The following MYO7B variants were observed in gnomAD, a reference collection of about 807,000 sequenced individuals.
MYO7B encodes the protein unconventional myosin-VIIb.
A neutral mutation model predicts 259.7 loss-of-function variants in MYO7B; 212 were observed. The observed-to-expected ratio is 0.82, with a 90% CI of 0.73 to 0.91. The LOEUF is 0.91. Ranked by LOEUF, MYO7B falls within the 40% of genes least tolerant of loss-of-function variation. The pLI is 0.00. For missense variants in MYO7B, 2,732 were observed against 2,813.5 expected (o/e 0.97, Z 0.66); for synonymous variants, 1,197 against 1,166.4 (o/e 1.03, Z -0.54).
At chr2:127,612,677 G>C in intron 26 of MYO7B, 74 bp downstream of exon 26, 1 of 1,551,916 alleles carries the variant, frequency 6.4e-7, no homozygotes, top group South Asian at 1.2e-5. Context: ...CATGGCCACA[G>C]CCTCCCCCAC....
rs186365186 is a variant in MYO7B, at chr2:127,575,663, G to T, written c.736-932G>T. Among the ~76,000 whole-genome samples, 373 of 152,282 alleles carry T rather than the reference G, an allele frequency of 2.4e-3. 13 individuals are homozygous for T. In the East Asian group the frequency reaches 0.059, roughly 24 times the overall value. ...AAACATGTCTAGGTTCTGGGGCGGG[G>T]AGGAGGGGATTTAAGAAAGGGGAAG... On this transcript the variant is annotated intron_variant, in intron 7 of 47. Transcript: ENST00000409816.
Position 127,569,841 on chromosome 2 carries a change from C to G in MYO7B, c.523C>G (p.Leu175Val), listed in dbSNP as rs776735274. Residue 175 changes from leucine to valine, a missense_variant, in exon 6 of 48, where the codon CTG becomes GTG. By Grantham distance (32) the Leu-to-Val change is conservative. This residue lies in a region of MYO7B where 1,906 missense variants were observed against 2,026.4 expected (regional missense o/e 0.94). Coordinates refer to ENST00000409816, the MANE Select transcript of MYO7B (RefSeq NM_001393586.1). ...GACCACCAAGCTCATCCTGCAGTTC[C>G]TGGCCACCATCAGTGGCCAGCATTC... ...TETTKLILQF[L>V]ATISGQHSWI... 3.2e-5 allele frequency: 51 copies of G among 1,613,468 alleles called. No homozygotes were observed. The highest frequency in any genetic ancestry group is 2.5e-6 in the Non-Finnish European group (3 of 1,179,662).
In MYO7B at chr2:127,627,969, G is replaced by A. The variant is rs758785437; in HGVS notation, c.4461-403G>A. The A allele has an allele frequency of 2.1e-6, 1 of 466,386 alleles. No homozygotes were observed. Among genetic ancestry groups the A allele is most frequent in the South Asian group, 1.5e-5 (1 of 64,668 alleles). 28.9% of individuals were successfully genotyped at this position (466,386 alleles called of 1,614,324 possible). ...TGGGCACTTTCCTGTATGCCACGAA[G>A]TACCGACAGCATCACCCATTCTGCA... On this transcript the variant is annotated intron_variant, in intron 33 of 47. Coordinates refer to ENST00000409816, the MANE Select transcript of MYO7B (RefSeq NM_001393586.1). This position sits in a 1 kb window ranked among gnomAD's most constrained non-coding sequence, Gnocchi z 5.6.
intron 47 of MYO7B, 53 bp from the exon 48 acceptor site, chr2:127,637,263 C>A: frequency 7.3e-7 from 1 of 1,373,842 alleles, no homozygotes; most frequent in Non-Finnish European, 1.0e-6. Flanking sequence ...GAGTCCAGGA[C>A]CCCCACCTGC....
Position 127,565,231 on chromosome 2 carries a change from A to G in MYO7B, c.133-2A>G, listed in dbSNP as rs1210200440. Reference sequence around the variant, plus strand: ...CAGGGGAGTCTGCACCCATTGTTCCAGGAACACTGGATCCGAGCAGAGGAC... The same window carrying G: ...CAGGGGAGTCTGCACCCATTGTTCCGGGAACACTGGATCCGAGCAGAGGAC... On this transcript the variant is annotated splice_acceptor_variant, in intron 3 of 47. Coordinates refer to ENST00000409816, the MANE Select transcript of MYO7B (RefSeq NM_001393586.1). LOFTEE classifies it high-confidence loss of function. 6.2e-7 allele frequency: 1 copy of G among 1,613,280 alleles called. No homozygotes were observed. The highest frequency in any genetic ancestry group is 8.5e-7 in the Non-Finnish European group (1 of 1,179,524).
In MYO7B at chr2:127,576,688, G is replaced by A. The variant is rs778918386; in HGVS notation, c.829G>A (p.Glu277Lys). ...GCTGCTGAGCCTGGGCACGCCCTCC[G>A]AGTACCACTACCTGACCATGGTGAG... ...KQLLSLGTPSEYHYLTMGNCT... is the reference protein window; with the variant it reads ...KQLLSLGTPSKYHYLTMGNCT... The change falls in exon 8 of 48, where the codon GAG (glutamate) becomes AAG (lysine). Residue 277 changes from glutamate to lysine, a missense_variant. Glu to Lys is a moderately conservative substitution (Grantham distance 56). Coordinates refer to ENST00000409816, the MANE Select transcript of MYO7B (RefSeq NM_001393586.1). The surrounding 1 kb of genome is among the most constrained non-coding windows in gnomAD (Gnocchi z 4.9). 6.8e-6 allele frequency: 11 copies of A among 1,607,166 alleles called. No individual in the cohort carries two copies. Among genetic ancestry groups the A allele is most frequent in the South Asian group, 2.2e-5 (2 of 90,736 alleles).
At position 127,620,449 on chromosome 2, in the gene MYO7B, T is replaced by C; in HGVS notation, c.3508T>C (p.Ser1170Pro). ...CCTCTGCCTCGGCTGCTTCCCACCC[T>C]CAGAGAGGTTCATGAAGGTGAGAGG... ...LSLCLGCFPP[S>P]ERFMKYLLNF... The change falls in exon 27 of 48, where the codon TCA (serine) becomes CCA (proline). Residue 1170 changes from serine (S) to proline (P), a missense_variant. By Grantham distance (74) the Ser-to-Pro change is moderately conservative. This residue lies in a region of MYO7B where 1,906 missense variants were observed against 2,026.4 expected (regional missense o/e 0.94). Coordinates refer to ENST00000409816, the MANE Select transcript of MYO7B (RefSeq NM_001393586.1). The C allele has an allele frequency of 7.3e-7, 1 of 1,372,134 alleles. No individual in the cohort carries two copies. The highest frequency in any genetic ancestry group is 9.8e-7 in the Non-Finnish European group (1 of 1,024,478). 85.0% of individuals were successfully genotyped at this position (1,372,134 alleles called of 1,614,324 possible).
At chr2:127,571,362 A>ATCTTC (rs1678597640) in intron 6 of MYO7B, among the ~76,000 whole-genome samples, 1 of 140,904 alleles carries the variant, frequency 7.1e-6, no homozygotes, top group African/African-American at 2.7e-5. Context: ...CGCTCTGTAT[A>ATCTTC]TCTTCTCTGG....
chr2:127,598,060 A>G (rs1679837967), intron 19 of MYO7B, among the ~76,000 whole-genome samples: 1 of 152,234 alleles, frequency 6.6e-6, no homozygotes, highest in Non-Finnish European at 1.5e-5. Context: ...TGATGAATAA[A>G]GCTGTTATGA....
rs752151409 is a variant in MYO7B, at chr2:127,636,567, C to T, written c.6146C>T (p.Pro2049Leu). Reference protein sequence around the residue: ...EVKQTSEPSYPDVILIAINRH... With the variant: ...EVKQTSEPSYLDVILIAINRH... The stretch of plus-strand genomic sequence containing the variant: ...CAGCAAACCTCGGAGCCTTCCTACC[C>T]GGACGTCATCCTCATCGCCATCAAC... Residue 2049 changes from proline (P) to leucine (L), a missense_variant, in exon 46 of 48, where the codon CCG (proline) becomes CTG (leucine). Physicochemically the swap from Pro to Leu is moderately conservative, Grantham distance 98 (BLOSUM62 -3). Coordinates refer to ENST00000409816, the MANE Select transcript of MYO7B (RefSeq NM_001393586.1). This position sits in a 1 kb window ranked among gnomAD's most constrained non-coding sequence, Gnocchi z 4.5. 1.1e-5 allele frequency: 18 copies of T among 1,612,238 alleles called. No homozygotes were observed. The highest frequency in any genetic ancestry group is 5.0e-5 in the Admixed American group (3 of 59,824).
At chr2:127,621,472 G>A (rs185652595) in intron 27 of MYO7B, among the ~76,000 whole-genome samples, 85 of 152,226 alleles carry the variant, frequency 5.6e-4, no homozygotes, top group African/African-American at 2.0e-3. Flanking sequence ...TGTTGGCCAG[G>A]CTGGCCTCAA....
chr2:127,565,220 C>A lies in MYO7B; in HGVS notation c.133-13C>A, dbSNP rs779831791. The stretch of plus-strand genomic sequence containing the variant: ...AGGCCACCCCTCAGGGGAGTCTGCA[C>A]CCATTGTTCCAGGAACACTGGATCC... On this transcript the variant is annotated splice_polypyrimidine_tract_variant and intron_variant, in intron 3 of 47. Transcript: ENST00000409816. 4 of 1,612,382 alleles carry A rather than the reference C, an allele frequency of 2.5e-6. No homozygotes were observed. The Admixed American group carries it at 6.7e-5, about 27-fold the overall frequency.
At chr2:127,570,765 C>A (rs1678567121) in intron 6 of MYO7B, among the ~76,000 whole-genome samples, 1 of 151,842 alleles carries the variant, frequency 6.6e-6, no homozygotes, top group Non-Finnish European at 1.5e-5. Context: ...GTCTTCCCAA[C>A]CCCTCCCCTG....
chr2:127,593,102 C>T (rs1679631701), intron 17 of MYO7B, among the ~76,000 whole-genome samples, 156 bp downstream of exon 17: 1 of 152,196 alleles, frequency 6.6e-6, no homozygotes, highest in South Asian at 2.1e-4. Flanking sequence ...CCTCCTCCCA[C>T]CCTACCCTCT....
At chr2:127,603,983 A>G (rs569100762) in intron 19 of MYO7B, among the ~76,000 whole-genome samples, 1 of 152,142 alleles carries the variant, frequency 6.6e-6, no homozygotes, top group Non-Finnish European at 1.5e-5. Flanking sequence ...AATACAAAAA[A>G]TTAGCCGGGC....
At position 127,635,860 on chromosome 2, in the gene MYO7B, G is replaced by A. The variant is rs1300786567; in HGVS notation, c.5959G>A (p.Val1987Met). 1.9e-6 allele frequency: 3 copies of A among 1,583,568 alleles called. No individual in the cohort carries two copies. In the African/African-American group the frequency reaches 4.0e-5, roughly 21 times the overall value. The change falls in exon 44 of 48, where the codon GTG becomes ATG. Residue 1987 changes from valine (V) to methionine (M), a missense_variant. By Grantham distance (21) the Val-to-Met change is conservative. Coordinates refer to ENST00000409816, the MANE Select transcript of MYO7B (RefSeq NM_001393586.1). ...ASVPKILREL[V>M]PENLTRLMSS... ...TGTCCCCAAGATCCTGAGGGAACTG[G>A]TGCCTGAGAACCTCACACGCCTGAT... is the stretch of plus-strand genomic sequence containing the variant.
In MYO7B at chr2:127,625,265, C is replaced by T. The variant is rs541131305; in HGVS notation, c.4048-103C>T. On this transcript the variant is annotated intron_variant, in intron 30 of 47. Coordinates refer to ENST00000409816, the MANE Select transcript of MYO7B (RefSeq NM_001393586.1). ...CCTGCCCGAGCCACAGGTTAGCTCC[C>T]CTGTGATGGGGCAAGAGCCCGGCCA... 4.5e-6 allele frequency: 6 copies of T among 1,341,382 alleles called. No homozygotes were observed. In the East Asian group the frequency reaches 8.4e-5, roughly 19 times the overall value. The allele number at this position is 1,341,382 out of a possible 1,614,324, so 83.1% of individuals were successfully genotyped here. A position where few individuals can be genotyped will look rare whatever the true frequency, so the allele number is the denominator to read the frequency against.
At position 127,631,766 on chromosome 2, in the gene MYO7B, G is replaced by GGTGGCCA. The variant is rs1338906662; in HGVS notation, c.5249+14_5249+15insTGGCCAG. Reference sequence around the variant, plus strand: ...ACAACTCCAACAGGTCTGCTGGGGCGGCGGCCAGCCCACGCGGGCACCCTC... The same window carrying GGTGGCCA: ...ACAACTCCAACAGGTCTGCTGGGGCGGTGGCCAGCGGCCAGCCCACGCGGGCACCCTC... On this transcript the variant is annotated intron_variant, in intron 38 of 47. Transcript: ENST00000409816. 2 of 1,610,760 alleles carry GGTGGCCA rather than the reference G, an allele frequency of 1.2e-6. No individual in the cohort carries two copies. The highest frequency in any genetic ancestry group is 1.7e-6 in the Non-Finnish European group (2 of 1,178,928).
In MYO7B at chr2:127,597,611, A is replaced by ATTATT. The variant is rs1293773608; in HGVS notation, c.2339+1056_2339+1057insTATTT. Among the ~76,000 whole-genome samples the ATTATT allele has an allele frequency of 6.9e-6, 1 of 145,792 alleles. No homozygotes were observed. The highest frequency in any genetic ancestry group is 2.6e-5 in the African/African-American group (1 of 38,748). On this transcript the variant is annotated intron_variant, in intron 19 of 47. Coordinates refer to ENST00000409816, the MANE Select transcript of MYO7B (RefSeq NM_001393586.1). The surrounding 1 kb of genome is among the most constrained non-coding windows in gnomAD (Gnocchi z 4.8). ...TTCATCCAGGTTATTGCTTGCATTA[A>ATTATT]TATTTATTTATTTATTTATTTATTT...
Sources: gnomAD v4.1 joint callset for allele counts (sites outside exome capture counted in the v4.1 genomes callset) on GRCh38, gnomAD v4.1.1 for gene constraint, gnomAD v4.1.1 regional missense constraint, Gnocchi (gnomAD v3.1) non-coding constraint, MANE v1.5 for transcripts, NCBI Gene and HGNC (gene_info 2026-07-23, HGNC 2026-07-21) for gene names.